Variants in VWDE observed in about 807,000 individuals in gnomAD.
VWDE encodes von Willebrand factor D and EGF domain-containing protein.
VWDE carries 207 observed loss-of-function variants against 178.4 expected under a neutral mutation model. The observed-to-expected ratio is 1.16, with a 90% CI of 1.04 to 1.30. The LOEUF (loss-of-function observed/expected upper bound fraction) is 1.30, where lower values mean the gene tolerates loss of function less well. VWDE is among the 50% of genes most tolerant of loss of function. The pLI, the probability that VWDE is intolerant of heterozygous loss-of-function variation, is 0.00. For synonymous variants in VWDE, 738 were observed against 651.4 expected (o/e 1.13, Z -2.02); for missense variants, 2,287 against 1,901.3 (o/e 1.20, Z -3.77).
chr7:12,361,026 A>C, intron 15 of VWDE, 121 bp downstream of exon 15: 1 of 576,762 alleles, frequency 1.7e-6, no homozygotes, highest in Non-Finnish European at 2.9e-6. Context: ...AACTTGAGGA[A>C]GGCTTTTCTC....
At chr7:12,369,039 A>T (rs955843653) in intron 12 of VWDE, among the ~76,000 whole-genome samples, 1 of 152,190 alleles carries the variant, frequency 6.6e-6, no homozygotes, top group African/African-American at 2.4e-5. Context: ...TTCTTTGTCT[A>T]ACATATTAAG....
In VWDE at chr7:12,342,073, G is replaced by A; in HGVS notation, c.4256C>T (p.Pro1419Leu). The change falls in exon 23 of 29, where the codon CCC (proline) becomes CTC (leucine). Residue 1419 changes from proline to leucine, a missense_variant. Coordinates refer to ENST00000275358, the MANE Select transcript of VWDE (RefSeq NM_001135924.3). ...ICQCKPGWYG[P>L]TCSTALCDPV... The stretch of plus-strand genomic sequence containing the variant: ...TCCAATTTTACCTGTACTACAGGTG[G>A]GTCCATACCAGCCAGGTTTGCACTG... The A allele has an allele frequency of 1.3e-6, 2 of 1,550,934 alleles. No individual in the cohort carries two copies. Among genetic ancestry groups the A allele is most frequent in the East Asian group, 2.4e-5 (1 of 40,892 alleles).
intron 16 of VWDE, among the ~76,000 whole-genome samples, chr7:12,358,837 A>G (rs1421548139): frequency 6.6e-6 from 1 of 152,122 alleles, no homozygotes; most frequent in Non-Finnish European, 1.5e-5. Flanking sequence ...TCAAATTTCC[A>G]TTGTCTTCCC....
At chr7:12,331,885 T>G (rs1443151819) in intron 28 of VWDE, among the ~76,000 whole-genome samples, 1 of 152,146 alleles carries the variant, frequency 6.6e-6, no homozygotes, top group African/African-American at 2.4e-5. Flanking sequence ...CCTTTACTTA[T>G]TTTCCCTTTC....
In VWDE at chr7:12,343,161, A is replaced by G; in HGVS notation, c.4096T>C (p.Cys1366Arg). The G allele has an allele frequency of 6.5e-7, 1 of 1,549,292 alleles. No homozygotes were observed. Among genetic ancestry groups the G allele is most frequent in the Non-Finnish European group, 8.7e-7 (1 of 1,145,322 alleles). ...GCCAAGCATGTGCCACCATGTTGAC[A>G]AGGTGGGTTACAATGTTCTGCAGAA... is the stretch of plus-strand genomic sequence containing the variant. The part of the protein sequence containing the change: ...TCDEEHCNPP[C>R]QHGGTCLAGN... The change falls in exon 22 of 29, where the codon TGT becomes CGT. Residue 1366 changes from cysteine (C) to arginine (R), a missense_variant. Coordinates refer to ENST00000275358, the MANE Select transcript of VWDE (RefSeq NM_001135924.3).
intron 1 of VWDE, among the ~76,000 whole-genome samples, chr7:12,397,223 C>T (rs1425788734): frequency 6.6e-6 from 1 of 152,060 alleles, no homozygotes; most frequent in Admixed American, 6.6e-5. Flanking sequence ...AAAACAGACA[C>T]ACAGACCAAT....
intron 22 of VWDE, 47 bp from the exon 23 acceptor site, chr7:12,342,201 T>A (rs1412943513): frequency 1.3e-6 from 2 of 1,490,650 alleles, no homozygotes; most frequent in African/African-American, 2.8e-5. Context: ...CTTGGAGTAG[T>A]CATATTGTTG....
rs1475899079 is a variant in VWDE, at chr7:12,356,267, G to C, written c.3589C>G (p.Pro1197Ala). 1 of 1,551,376 alleles carries C rather than the reference G, an allele frequency of 6.4e-7. No individual in the cohort carries two copies. Among genetic ancestry groups the C allele is most frequent in the East Asian group, 2.4e-5 (1 of 40,904 alleles). Residue 1197 changes from proline (P) to alanine (A), a missense_variant, in exon 18 of 29, where the codon CCA (proline) becomes GCA (alanine). Physicochemically the swap from Pro to Ala is conservative, Grantham distance 27 (BLOSUM62 -1). Coordinates refer to ENST00000275358, the MANE Select transcript of VWDE (RefSeq NM_001135924.3). ...GSCVSDRNFS[P>A]GSGVYLCVCL... Reference sequence around the variant, plus strand: ...ACACACAGGTACACTCCACTCCCTGGAGAAAAGTTCCTATCAGATACACAT... The same window carrying C: ...ACACACAGGTACACTCCACTCCCTGCAGAAAAGTTCCTATCAGATACACAT...
intron 15 of VWDE, among the ~76,000 whole-genome samples, 183 bp downstream of exon 15, chr7:12,360,964 G>T (rs1165048818): frequency 1.3e-5 from 2 of 152,156 alleles, no homozygotes; most frequent in South Asian, 2.1e-4. Context: ...AAATGTTAAA[G>T]GTAGGAACCT....
intron 2 of VWDE, 139 bp downstream of exon 2, chr7:12,393,455 G>A (rs955157686): frequency 2.9e-6 from 2 of 691,758 alleles, no homozygotes; most frequent in African/African-American, 1.8e-5. Context: ...GGTAATGTGG[G>A]AATAGTCTTT....
chr7:12,403,513 G>A (rs539037063), intron 1 of VWDE, 146 bp downstream of exon 1: 7 of 692,786 alleles, frequency 1.0e-5, no homozygotes, highest in African/African-American at 1.8e-5. Flanking sequence ...GAGGGACAGA[G>A]AGGAGGCGGG....
chr7:12,380,966 G>A (rs1249587212), intron 4 of VWDE, among the ~76,000 whole-genome samples: 1 of 152,148 alleles, frequency 6.6e-6, no homozygotes, highest in African/African-American at 2.4e-5. Context: ...TATTAATGCA[G>A]GTTGAATATC....
intron 16 of VWDE, among the ~76,000 whole-genome samples, chr7:12,358,075 C>T (rs988566993): frequency 2.0e-5 from 3 of 152,062 alleles, no homozygotes; most frequent in Non-Finnish European, 4.4e-5. Flanking sequence ...AGTGCACACA[C>T]TAAAAAAGAG....
Position 12,357,363 on chromosome 7 carries a change from C to T in VWDE, c.3427G>A (p.Ala1143Thr). Reference sequence around the variant, plus strand: ...TCTGTTTTCCACATAAAAAGCCCTGCAGAGGAAACACTTGCCCCTTCAGGA... The same window carrying T: ...TCTGTTTTCCACATAAAAAGCCCTGTAGAGGAAACACTTGCCCCTTCAGGA... ...SGPEGASVSS[A>T]GLFMWKTDLL... The change falls in exon 17 of 29, where the codon GCA becomes ACA. Residue 1143 changes from alanine (A) to threonine (T), a missense_variant. By Grantham distance (58) the Ala-to-Thr change is moderately conservative. Transcript: ENST00000275358. 6.4e-7 allele frequency: 1 copy of T among 1,551,982 alleles called. No individual in the cohort carries two copies. Among genetic ancestry groups the T allele is most frequent in the African/African-American group, 1.4e-5 (1 of 73,172 alleles).
intron 1 of VWDE, among the ~76,000 whole-genome samples, chr7:12,401,992 A>G (rs1434626887): frequency 6.6e-6 from 1 of 152,238 alleles, no homozygotes; most frequent in Non-Finnish European, 1.5e-5. Flanking sequence ...TACATGCTAC[A>G]AGATGAATGA....
In VWDE at chr7:12,377,921, C is replaced by T. The variant is rs1475885494; in HGVS notation, c.880-1G>A. ...ATATAGTGCTCAATTCAGGCTGTAG[C>T]TGGTATAAGAAAATACGTAGAAAAA... On this transcript the variant is annotated splice_acceptor_variant, in intron 6 of 28. Coordinates refer to ENST00000275358, the MANE Select transcript of VWDE (RefSeq NM_001135924.3). LOFTEE classifies it high-confidence loss of function. The T allele has an allele frequency of 2.2e-6, 3 of 1,394,204 alleles. No homozygotes were observed. The highest frequency in any genetic ancestry group is 2.8e-6 in the Non-Finnish European group (3 of 1,071,616). 86.4% of individuals were successfully genotyped at this position (1,394,204 alleles called of 1,614,324 possible).
chr7:12,357,028 C>T (rs754391834), intron 17 of VWDE, among the ~76,000 whole-genome samples: 4 of 152,068 alleles, frequency 2.6e-5, no homozygotes, highest in Non-Finnish European at 5.9e-5. Context: ...AGTGAAGTGC[C>T]AAATAAAACA....
chr7:12,350,790 T>C (rs1185221482), intron 19 of VWDE, among the ~76,000 whole-genome samples: 1 of 152,100 alleles, frequency 6.6e-6, no homozygotes, highest in Admixed American at 6.6e-5. Context: ...TAAATAGCTA[T>C]TATGAGGATT....
intron 24 of VWDE, among the ~76,000 whole-genome samples, chr7:12,339,327 C>T (rs79875346): frequency 2.0e-5 from 3 of 152,104 alleles, no homozygotes; most frequent in South Asian, 2.1e-4. Flanking sequence ...AAAGATGTAA[C>T]GTTTTCATTT....
Sources: allele counts gnomAD v4.1 joint callset (sites outside exome capture counted in the v4.1 genomes callset), GRCh38; gene constraint gnomAD v4.1.1; transcripts MANE v1.5; gene names NCBI Gene and HGNC (gene_info 2026-07-23, HGNC 2026-07-21).